COL23A1: variants seen among roughly 807,000 people sequenced by gnomAD.
COL23A1 encodes the protein collagen type XXIII alpha 1 chain.
Under a neutral mutation model 99.3 loss-of-function variants are expected in COL23A1, and 97 were observed. The observed-to-expected ratio is 0.98, with a 90% CI of 0.83 to 1.16. The LOEUF (loss-of-function observed/expected upper bound fraction) is 1.16, where lower values mean the gene tolerates loss of function less well. COL23A1 is among the 50% of genes most tolerant of loss of function. COL23A1 has a pLI of 0.00. For synonymous variants in COL23A1, 320 were observed against 308.2 expected (o/e 1.04, Z -0.40); for missense variants, 762 against 757.4 (o/e 1.01, Z -0.07).
chr5:178,322,794 G>A (rs1343714730), intron 2 of COL23A1, among the ~76,000 whole-genome samples: 1 of 152,202 alleles, frequency 6.6e-6, no homozygotes, highest in Non-Finnish European at 1.5e-5. Flanking sequence ...AGTTGGGTCA[G>A]CCCTGTCCCT....
chr5:178,580,597 T>A (rs1042340862), intron 1 of COL23A1, among the ~76,000 whole-genome samples: 6 of 152,118 alleles, frequency 3.9e-5, no homozygotes, highest in Non-Finnish European at 8.8e-5. Flanking sequence ...GAAAACTGCA[T>A]AAGGGAGAAA....
rs930150780 is a variant in COL23A1 at position 178,366,586 on chromosome 5, G to A, written c.362-59667C>T. 1.6e-4 allele frequency among the ~76,000 whole-genome samples: 25 copies of A among 152,088 alleles called. No individual in the cohort carries two copies. Among genetic ancestry groups the A allele is most frequent in the African/African-American group, 5.8e-4 (24 of 41,410 alleles). ...ATCACCCGCCCTGCGAAAATGTGTC[G>A]GTGATCACTGTGACTAGAACAAGTC... On this transcript the variant is annotated intron_variant, in intron 2 of 28. Coordinates refer to ENST00000390654, the MANE Select transcript of COL23A1 (RefSeq NM_173465.4). This position sits in a 1 kb window ranked among gnomAD's most constrained non-coding sequence, Gnocchi z 4.4.
chr5:178,380,528 T>G (rs192749416), intron 2 of COL23A1, among the ~76,000 whole-genome samples: 4 of 152,326 alleles, frequency 2.6e-5, no homozygotes, highest in African/African-American at 7.2e-5. Context: ...TTCCAAGTTT[T>G]GATTTTTCAG....
intron 2 of COL23A1, among the ~76,000 whole-genome samples, chr5:178,484,821 CAAAAA>C (rs397746374): frequency 5.5e-5 from 5 of 90,418 alleles, no homozygotes; most frequent in African/African-American, 2.1e-4. Context: ...GACTCTGTCT[CAAAAA>C]AAAAAAAAAA....
intron 6 of COL23A1, among the ~76,000 whole-genome samples, chr5:178,269,674 TCATCCACTATCCATC>T (rs1756170426): frequency 8.8e-6 from 1 of 113,142 alleles, no homozygotes; most frequent in Admixed American, 9.1e-5. Flanking sequence ...ATCCACCCAT[TCATCCACTATCCATC>T]CATCCACCCA....
At chr5:178,239,498 C>A (rs1764279219) in intron 27 of COL23A1, among the ~76,000 whole-genome samples, 1 of 151,426 alleles carries the variant, frequency 6.6e-6, no homozygotes. Context: ...TACAGGCTGG[C>A]CTGGGTCCTG....
At chr5:178,350,190 C>T (rs938112278) in intron 2 of COL23A1, among the ~76,000 whole-genome samples, 2 of 152,242 alleles carry the variant, frequency 1.3e-5, no homozygotes, top group African/African-American at 2.4e-5. Flanking sequence ...GCACCCATGC[C>T]ACCTCCTCCA....
chr5:178,367,180 T>C (rs1017191635), intron 2 of COL23A1, among the ~76,000 whole-genome samples: 2 of 152,214 alleles, frequency 1.3e-5, no homozygotes, highest in African/African-American at 4.8e-5. Context: ...AGCACTAGCT[T>C]GATCTGCTTG....
chr5:178,423,857 T>C lies in COL23A1; in HGVS notation c.362-116938A>G, dbSNP rs182298093. Among the ~76,000 whole-genome samples the C allele has an allele frequency of 3.3e-5, 5 of 152,226 alleles. No homozygotes were observed. The East Asian group carries it at 5.8e-4, about 18-fold the overall frequency. On this transcript the variant is annotated intron_variant, in intron 2 of 28. Coordinates refer to ENST00000390654, the MANE Select transcript of COL23A1 (RefSeq NM_173465.4). The stretch of plus-strand genomic sequence containing the variant: ...CCTCACAATAATGCTCACTTTAATG[T>C]TGGGGTGCTCCAGACAGAGATGTCT...
At chr5:178,249,716 A>ACACACACACACACTCACT in intron 18 of COL23A1, among the ~76,000 whole-genome samples, 1 of 92,752 alleles carries the variant, frequency 1.1e-5, no homozygotes, top group Non-Finnish European at 2.2e-5. Flanking sequence ...ACACACACAC[A>ACACACACACACACTCACT]CTCTCTCTCT....
Position 178,288,409 on chromosome 5 carries a change from C to T in COL23A1, c.415-59G>A, listed in dbSNP as rs1459120889. On this transcript the variant is annotated intron_variant, in intron 4 of 28. Transcript: ENST00000390654. ...TTTCGGCAGAAACCATATGGCAACA[C>T]TTAGAGCTCAATCAGGGCCCAGACC... 18 of 1,460,942 alleles carry T rather than the reference C, an allele frequency of 1.2e-5. No individual in the cohort carries two copies. In the East Asian group the frequency reaches 3.6e-4, roughly 29 times the overall value. 90.5% of individuals were successfully genotyped at this position (1,460,942 alleles called of 1,614,324 possible). A position where few individuals can be genotyped will look rare whatever the true frequency, so the allele number is the denominator to read the frequency against.
intron 2 of COL23A1, among the ~76,000 whole-genome samples, chr5:178,339,125 TAGCTCTGCCTATTAGAG>T (rs1760512476): frequency 6.6e-6 from 1 of 152,210 alleles, no homozygotes; most frequent in Non-Finnish European, 1.5e-5. Context: ...TGTCTTTGGA[TAGCTCTGCCTATTAGAG>T]AGCTCTTCCT....
At chr5:178,481,805 T>C (rs1757353980) in intron 2 of COL23A1, among the ~76,000 whole-genome samples, 1 of 139,572 alleles carries the variant, frequency 7.2e-6, no homozygotes, top group Non-Finnish European at 1.5e-5. Flanking sequence ...TTCTCAGTCA[T>C]AGGTGGGAAT....
intron 2 of COL23A1, among the ~76,000 whole-genome samples, chr5:178,529,044 G>C (rs572090570): frequency 6.6e-6 from 1 of 152,370 alleles, no homozygotes; most frequent in African/African-American, 2.4e-5. Context: ...GGGCTGGGCG[G>C]TTCTGCTCCG....
At chr5:178,294,365 TC>T (rs1292715849) in intron 3 of COL23A1, among the ~76,000 whole-genome samples, 1 of 27,500 alleles carries the variant, frequency 3.6e-5, no homozygotes, top group Admixed American at 3.1e-4. Context: ...CCGAGCTCCC[TC>T]CCCAAATCAC....
At chr5:178,400,697 G>A (rs1241456227) in intron 2 of COL23A1, among the ~76,000 whole-genome samples, 1 of 151,410 alleles carries the variant, frequency 6.6e-6, no homozygotes, top group Admixed American at 6.6e-5. Flanking sequence ...CCAGGCTGGA[G>A]CACAATCTCA....
intron 2 of COL23A1, among the ~76,000 whole-genome samples, chr5:178,517,024 A>G (rs1288129592): frequency 6.6e-6 from 1 of 152,194 alleles, no homozygotes; most frequent in African/African-American, 2.4e-5. Flanking sequence ...GCCAGGACTC[A>G]GTGGGGACGG....
At chr5:178,583,579 G>C in intron 1 of COL23A1, among the ~76,000 whole-genome samples, 1 of 152,186 alleles carries the variant, frequency 6.6e-6, no homozygotes, top group East Asian at 1.9e-4. Flanking sequence ...CGTATTGTTA[G>C]ATGCAGGCTG....
chr5:178,262,075 C>T, intron 10 of COL23A1, 142 bp downstream of exon 10: 2 of 924,904 alleles, frequency 2.2e-6, no homozygotes, highest in Non-Finnish European at 3.4e-6. Flanking sequence ...CACACACATG[C>T]AGACACGTAC....
Sources: allele counts gnomAD v4.1 joint callset (sites outside exome capture counted in the v4.1 genomes callset), GRCh38; gene constraint gnomAD v4.1.1; non-coding constraint Gnocchi (gnomAD v3.1); transcripts MANE v1.5; gene names NCBI Gene and HGNC (gene_info 2026-07-23, HGNC 2026-07-21).